The following GUCY1A2 variants were observed in gnomAD, a reference collection of about 807,000 sequenced individuals.
The protein encoded by GUCY1A2 is guanylate cyclase 1 soluble subunit alpha 2.
A neutral mutation model predicts 63.5 loss-of-function variants in GUCY1A2; 27 were observed. The observed-to-expected ratio is 0.43, with a 90% CI of 0.31 to 0.59. The LOEUF is 0.59. Among genes scored for constraint, GUCY1A2 ranks in the 20% least tolerant of loss-of-function variants. The pLI, the probability that GUCY1A2 is intolerant of heterozygous loss-of-function variation, is 0.11. For missense variants in GUCY1A2, 768 were observed against 913.3 expected, an observed-to-expected ratio of 0.84 and a Z score of 2.05; for synonymous variants, 364 against 343.5, an observed-to-expected ratio of 1.06 and a Z score of -0.66.
chr11:106,881,852 G>T (rs116845957), intron 4 of GUCY1A2, among the ~76,000 whole-genome samples: 1 of 151,892 alleles, frequency 6.6e-6, no homozygotes, highest in Admixed American at 6.6e-5. Flanking sequence ...GAAATGTTGC[G>T]TACTAATAAA....
chr11:106,987,136 A>T (rs1462581309), intron 1 of GUCY1A2, among the ~76,000 whole-genome samples: 1 of 152,210 alleles, frequency 6.6e-6, no homozygotes, highest in African/African-American at 2.4e-5. Flanking sequence ...TCAAGGCCTC[A>T]TCAAAGCATT....
At chr11:106,907,766 T>C (rs368236672) in intron 4 of GUCY1A2, among the ~76,000 whole-genome samples, 5 of 152,280 alleles carry the variant, frequency 3.3e-5, no homozygotes, top group South Asian at 2.1e-4. Flanking sequence ...TAGTATTCCA[T>C]GGTGTATATG....
chr11:106,683,416 G>C lies in GUCY1A2; in HGVS notation c.*4133C>G, dbSNP rs1308354174. 1 of 225,600 alleles carries C rather than the reference G, an allele frequency of 4.4e-6. No homozygotes were observed. Among genetic ancestry groups the C allele is most frequent in the East Asian group, 6.3e-5 (1 of 15,782 alleles). The allele number at this position is 225,600 out of a possible 1,614,324, so 14.0% of individuals were successfully genotyped here. ...TTCAGTGAAGCTGTATGAAGTGCTT[G>C]GAGTCAGACTGTGTTTTGAAGAAAG... is the stretch of plus-strand genomic sequence containing the variant. On this transcript the variant is annotated 3_prime_UTR_variant, in exon 8 of 8. Coordinates refer to ENST00000526355, the MANE Select transcript of GUCY1A2 (RefSeq NM_000855.3).
chr11:106,957,649 G>A (rs1861004726), intron 3 of GUCY1A2, among the ~76,000 whole-genome samples: 2 of 151,806 alleles, frequency 1.3e-5, no homozygotes, highest in African/African-American at 4.8e-5. Flanking sequence ...TGAATACCTT[G>A]GTTGCTGATG....
At chr11:106,991,888 A>ACGC (rs1486974769) in intron 1 of GUCY1A2, among the ~76,000 whole-genome samples, 1 of 152,232 alleles carries the variant, frequency 6.6e-6, no homozygotes, top group Admixed American at 6.5e-5. Context: ...ACCGTGTTTT[A>ACGC]CGCCAGGCAC....
chr11:106,825,701 G>A (rs924211130), intron 4 of GUCY1A2, among the ~76,000 whole-genome samples: 144 of 152,090 alleles, frequency 9.5e-4, no homozygotes, highest in African/African-American at 3.3e-3. Context: ...AGCCACACTG[G>A]AAGAAGAATT....
chr11:106,810,776 C>T (rs1285174906), intron 4 of GUCY1A2, among the ~76,000 whole-genome samples: 1 of 152,166 alleles, frequency 6.6e-6, no homozygotes, highest in East Asian at 1.9e-4. Flanking sequence ...CTCCAAGGTA[C>T]ATCATGAAAC....
At chr11:106,732,204 G>A (rs186722755) in intron 6 of GUCY1A2, among the ~76,000 whole-genome samples, 3 of 152,118 alleles carry the variant, frequency 2.0e-5, no homozygotes, top group East Asian at 3.9e-4. Flanking sequence ...ACAGATAAGA[G>A]AGCCCAGAAA....
intron 4 of GUCY1A2, among the ~76,000 whole-genome samples, chr11:106,864,106 C>T (rs1056714014): frequency 1.3e-5 from 2 of 151,788 alleles, no homozygotes. Flanking sequence ...AGGAGAAACA[C>T]CTAATGTAGA....
intron 6 of GUCY1A2, among the ~76,000 whole-genome samples, chr11:106,739,538 G>A (rs1385114090): frequency 6.6e-6 from 1 of 152,172 alleles, no homozygotes; most frequent in African/African-American, 2.4e-5. Flanking sequence ...AAGTCAGAGA[G>A]GGTAAGCAGC....
chr11:106,914,631 C>A (rs1860344275), intron 4 of GUCY1A2, among the ~76,000 whole-genome samples: 1 of 149,632 alleles, frequency 6.7e-6, no homozygotes, highest in African/African-American at 2.5e-5. Flanking sequence ...GAAATAATTA[C>A]AAGGAAAATT....
At chr11:106,735,329 ACT>A (rs1175058243) in intron 6 of GUCY1A2, among the ~76,000 whole-genome samples, 7 of 151,722 alleles carry the variant, frequency 4.6e-5, no homozygotes, top group Non-Finnish European at 1.0e-4. Context: ...CCATCATTCT[ACT>A]CTCTATCTCC....
intron 4 of GUCY1A2, among the ~76,000 whole-genome samples, chr11:106,866,623 G>A (rs1326796567): frequency 6.6e-6 from 1 of 152,064 alleles, no homozygotes; most frequent in African/African-American, 2.4e-5. Flanking sequence ...TTGGTCTGTG[G>A]TAATAATGAC....
Position 107,018,081 on chromosome 11 carries a change from AGGCGGTGGCGGCGAGGACGCGAGCGGC to A in GUCY1A2, c.-53_-27del. 3.5e-6 allele frequency: 5 copies of A among 1,408,748 alleles called. No individual in the cohort carries two copies. Among genetic ancestry groups the A allele is most frequent in the Non-Finnish European group, 4.7e-6 (5 of 1,066,056 alleles). The allele number at this position is 1,408,748 out of a possible 1,614,324, so 87.3% of individuals were successfully genotyped here. ...GCTGCCGGCGGAGCTGCAGCGGCCGAGGCGGTGGCGGCGAGGACGCGAGCGGCGGCGGAGGCGGCGGTGGCGGGACCG... is the reference window on the plus strand; with the variant it reads ...GCTGCCGGCGGAGCTGCAGCGGCCGAGGCGGAGGCGGCGGTGGCGGGACCG... On this transcript the variant is annotated 5_prime_UTR_variant, in exon 1 of 8. Transcript: ENST00000526355.
In GUCY1A2 at chr11:107,017,921, C is replaced by A; in HGVS notation, c.135G>T (p.Pro45=). 1 of 1,293,320 alleles carries A rather than the reference C, an allele frequency of 7.7e-7. No homozygotes were observed. The highest frequency in any genetic ancestry group is 9.8e-7 in the Non-Finnish European group (1 of 1,016,134). The allele number at this position is 1,293,320 out of a possible 1,614,324, so 80.1% of individuals were successfully genotyped here. Residue 45 remains proline (P), a synonymous_variant, in exon 1 of 8, where the codon CCG becomes CCT. Coordinates refer to ENST00000526355, the MANE Select transcript of GUCY1A2 (RefSeq NM_000855.3). ...CWNGSRSPPG[P]LEPSPAAAAA... ...CAGCTGCGGCCGGGCTGGGCTCCAGCGGCCCGGGCGGGCTCCGGCTGCCAT... is the reference window on the plus strand; with the variant it reads ...CAGCTGCGGCCGGGCTGGGCTCCAGAGGCCCGGGCGGGCTCCGGCTGCCAT...
chr11:106,943,221 C>G (rs1340728348), intron 3 of GUCY1A2, among the ~76,000 whole-genome samples: 2 of 152,180 alleles, frequency 1.3e-5, no homozygotes, highest in Non-Finnish European at 1.5e-5. Flanking sequence ...ATTCAGACAA[C>G]TGATGCAATT....
At chr11:106,901,416 C>T (rs749971776) in intron 4 of GUCY1A2, among the ~76,000 whole-genome samples, 25 of 152,154 alleles carry the variant, frequency 1.6e-4, no homozygotes, top group Non-Finnish European at 2.6e-4. Flanking sequence ...TTAATATTGA[C>T]ATTTTGACCA....
At chr11:106,962,054 G>A (rs964968069) in intron 3 of GUCY1A2, among the ~76,000 whole-genome samples, 2 of 152,118 alleles carry the variant, frequency 1.3e-5, no homozygotes, top group Non-Finnish European at 2.9e-5. Flanking sequence ...GTTCCTATGT[G>A]GAGATACCAA....
rs992305042 is a variant in GUCY1A2, at chr11:106,850,201, AT to A, written c.1207-39724del. On this transcript the variant is annotated intron_variant, in intron 4 of 7. Transcript: ENST00000526355. ...AGTTCTCCATTTAGGTCTATAATCC[AT>A]TTTTTCCCTTTTTCTAGTTGATATT... Among the ~76,000 whole-genome samples the A allele has an allele frequency of 1.4e-4, 21 of 151,668 alleles. No individual in the cohort carries two copies. The East Asian group carries it at 3.5e-3, about 25-fold the overall frequency.
Sources: gnomAD v4.1 joint callset for allele counts (sites outside exome capture counted in the v4.1 genomes callset) on GRCh38, gnomAD v4.1.1 for gene constraint, MANE v1.5 for transcripts, NCBI Gene and HGNC (gene_info 2026-07-23, HGNC 2026-07-21) for gene names.